Variants in PIP4K2A observed in about 807,000 individuals in gnomAD.
The protein encoded by PIP4K2A is phosphatidylinositol-5-phosphate 4-kinase type 2 alpha, also known as phosphatidylinositol 5-phosphate 4-kinase type-2 alpha.
Under a neutral mutation model 42.9 loss-of-function variants are expected in PIP4K2A, and 14 were observed. That is an observed-to-expected ratio of 0.33 (90% CI 0.22 to 0.51). PIP4K2A has a LOEUF of 0.51. Ranked by LOEUF, PIP4K2A falls within the 20% of genes least tolerant of loss-of-function variation. PIP4K2A has a pLI of 0.97. For missense variants in PIP4K2A, 434 were observed against 519.8 expected (o/e 0.83, Z 1.61); for synonymous variants, 192 against 192.2 (o/e 1.00, Z 0.01).
intron 7 of PIP4K2A, among the ~76,000 whole-genome samples, chr10:22,545,346 T>A (rs1481775225): frequency 6.6e-6 from 1 of 152,224 alleles, no homozygotes; most frequent in Non-Finnish European, 1.5e-5. Flanking sequence ...CCTTCAAGTA[T>A]GTTTTAGTTA....
intron 1 of PIP4K2A, among the ~76,000 whole-genome samples, chr10:22,686,882 T>G (rs1564467591): frequency 6.6e-6 from 1 of 152,208 alleles, no homozygotes; most frequent in Non-Finnish European, 1.5e-5. Context: ...TTTGAATTTT[T>G]CATGTCTGGA....
intron 1 of PIP4K2A, among the ~76,000 whole-genome samples, chr10:22,687,995 T>C (rs1839795663): frequency 6.6e-6 from 1 of 152,030 alleles, no homozygotes; most frequent in Non-Finnish European, 1.5e-5. Context: ...AAACCTCAAA[T>C]ATACAGAGTA....
At chr10:22,571,789 G>A (rs577501486) in intron 5 of PIP4K2A, among the ~76,000 whole-genome samples, 34 of 152,308 alleles carry the variant, frequency 2.2e-4, no homozygotes, top group Middle Eastern at 3.4e-3. Flanking sequence ...TATTGTGTGA[G>A]TTCAGATTTT....
In PIP4K2A at chr10:22,621,624, T is replaced by C. The variant is rs74121819; in HGVS notation, c.145-11907A>G. ...AGATGGGGAGGAGTTTGGTATGTAATACAGGTGTCCCTGGGTACCCCAGAT... is the reference window on the plus strand; with the variant it reads ...AGATGGGGAGGAGTTTGGTATGTAACACAGGTGTCCCTGGGTACCCCAGAT... On this transcript the variant is annotated intron_variant, in intron 1 of 9. Coordinates refer to ENST00000376573, the MANE Select transcript of PIP4K2A (RefSeq NM_005028.5). Among the ~76,000 whole-genome samples, 306 of 152,308 alleles carry C rather than the reference T, an allele frequency of 2.0e-3. 1 individual carries two copies. The highest frequency in any genetic ancestry group is 6.8e-3 in the African/African-American group (281 of 41,580).
At chr10:22,589,007 C>T (rs1346064919) in intron 4 of PIP4K2A, among the ~76,000 whole-genome samples, 2 of 152,040 alleles carry the variant, frequency 1.3e-5, no homozygotes, top group Non-Finnish European at 2.9e-5. Flanking sequence ...ATGTCAAATC[C>T]CTATGTTAGG....
chr10:22,706,489 C>T (rs1833825256), intron 1 of PIP4K2A, among the ~76,000 whole-genome samples: 1 of 152,208 alleles, frequency 6.6e-6, no homozygotes, highest in Non-Finnish European at 1.5e-5. Flanking sequence ...AGCCCTTCAC[C>T]GACGTCATGC....
At chr10:22,586,023 G>A (rs1014811500) in intron 4 of PIP4K2A, among the ~76,000 whole-genome samples, 1 of 152,128 alleles carries the variant, frequency 6.6e-6, no homozygotes, top group Non-Finnish European at 1.5e-5. Context: ...AGGCAAATAG[G>A]TTTTTTACCA....
At chr10:22,585,145 G>T (rs1277667956) in intron 4 of PIP4K2A, among the ~76,000 whole-genome samples, 1 of 152,088 alleles carries the variant, frequency 6.6e-6, no homozygotes, top group African/African-American at 2.4e-5. Context: ...AGCTTTTATG[G>T]TCCCTATTTT....
At chr10:22,670,920 A>G (rs1306074616) in intron 1 of PIP4K2A, among the ~76,000 whole-genome samples, 1 of 152,192 alleles carries the variant, frequency 6.6e-6, no homozygotes, top group Non-Finnish European at 1.5e-5. Context: ...TGCAGTGAGC[A>G]CAAAGTTCCT....
At chr10:22,691,416 T>C (rs1839864592) in intron 1 of PIP4K2A, among the ~76,000 whole-genome samples, 3 of 152,184 alleles carry the variant, frequency 2.0e-5, no homozygotes, top group African/African-American at 4.8e-5. Context: ...GATGCTCGAT[T>C]GCCACCCCAG....
chr10:22,643,229 G>T (rs188773413), intron 1 of PIP4K2A, among the ~76,000 whole-genome samples: 14 of 152,144 alleles, frequency 9.2e-5, no homozygotes, highest in Admixed American at 9.2e-4. Flanking sequence ...TCTACAGTTT[G>T]CCAGACTACA....
chr10:22,652,802 G>A (rs1200102780), intron 1 of PIP4K2A, among the ~76,000 whole-genome samples: 14 of 152,174 alleles, frequency 9.2e-5, no homozygotes, highest in Admixed American at 7.9e-4. Flanking sequence ...TGCTTGAAAC[G>A]TTTATGAAGG....
chr10:22,682,748 C>G (rs1470260052), intron 1 of PIP4K2A, among the ~76,000 whole-genome samples: 1 of 152,210 alleles, frequency 6.6e-6, no homozygotes, highest in Non-Finnish European at 1.5e-5. Context: ...CTGAACTTGG[C>G]TCCTAGACTC....
chr10:22,705,772 G>A (rs550911874), intron 1 of PIP4K2A, among the ~76,000 whole-genome samples: 4 of 151,916 alleles, frequency 2.6e-5, no homozygotes, highest in Admixed American at 2.0e-4. Context: ...CACATTCTCC[G>A]CTCTGCTTGG....
intron 1 of PIP4K2A, among the ~76,000 whole-genome samples, chr10:22,708,194 T>C (rs573812042): frequency 6.6e-6 from 1 of 152,310 alleles, no homozygotes; most frequent in African/African-American, 2.4e-5. Context: ...CTACTTCCAC[T>C]CATTCACTCC....
chr10:22,689,887 T>C (rs1032615453), intron 1 of PIP4K2A, among the ~76,000 whole-genome samples: 1 of 152,192 alleles, frequency 6.6e-6, no homozygotes, highest in Non-Finnish European at 1.5e-5. Context: ...AACATTTTCA[T>C]GTCACAAAAG....
At position 22,536,616 on chromosome 10, in the gene PIP4K2A, A is replaced by C. The variant is rs1009964571; in HGVS notation, c.*585T>G. Reference sequence around the variant, plus strand: ...TCTGCGTGCGGGGTAGAAATGGAACATTCGCTGTAGGTTTTTTCCTTGGAA... The same window carrying C: ...TCTGCGTGCGGGGTAGAAATGGAACCTTCGCTGTAGGTTTTTTCCTTGGAA... On this transcript the variant is annotated 3_prime_UTR_variant, in exon 10 of 10. Transcript: ENST00000376573. The C allele has an allele frequency of 6.8e-6, 1 of 147,568 alleles. No homozygotes were observed. Among genetic ancestry groups the C allele is most frequent in the Non-Finnish European group, 1.5e-5 (1 of 68,518 alleles). The allele number at this position is 147,568 out of a possible 1,614,324, so 9.1% of individuals were successfully genotyped here. A position where few individuals can be genotyped will look rare whatever the true frequency, so the allele number is the denominator to read the frequency against.
intron 1 of PIP4K2A, among the ~76,000 whole-genome samples, chr10:22,712,972 G>C (rs1410118055): frequency 1.3e-5 from 2 of 151,730 alleles, no homozygotes; most frequent in Non-Finnish European, 2.9e-5. Context: ...AAACCAGCAT[G>C]GTTTTCTGTC....
chr10:22,602,043 A>T (rs1837793547), intron 3 of PIP4K2A, among the ~76,000 whole-genome samples: 1 of 152,118 alleles, frequency 6.6e-6, no homozygotes, highest in Non-Finnish European at 1.5e-5. Flanking sequence ...TGGCCTCCTG[A>T]TTTCCTTATC....
Sources: gnomAD v4.1 joint callset for allele counts (sites outside exome capture counted in the v4.1 genomes callset) on GRCh38, gnomAD v4.1.1 for gene constraint, MANE v1.5 for transcripts, NCBI Gene and HGNC (gene_info 2026-07-23, HGNC 2026-07-21) for gene names.